KMT2D: variants seen among roughly 807,000 people sequenced by gnomAD.
KMT2D encodes the protein histone-lysine N-methyltransferase 2D.
A neutral mutation model predicts 512.7 loss-of-function variants in KMT2D; 55 were observed. That is an observed-to-expected ratio of 0.11 (90% CI 0.09 to 0.13). The LOEUF (loss-of-function observed/expected upper bound fraction) is 0.13. Among genes scored for constraint, KMT2D ranks in the 10% least tolerant of loss-of-function variants. The pLI, the probability that KMT2D is intolerant of heterozygous loss-of-function variation, is 1.00. For missense variants in KMT2D, 6,061 were observed against 7,127.9 expected, an observed-to-expected ratio of 0.85 and a Z score of 5.39; for synonymous variants, 2,995 against 2,904.0, an observed-to-expected ratio of 1.03 and a Z score of -1.01.
Position 49,031,663 on chromosome 12 carries a change from C to T in KMT2D, c.13042G>A (p.Gly4348Arg), listed in dbSNP as rs1328256473. 1 of 1,609,448 alleles carries T rather than the reference C, an allele frequency of 6.2e-7. No homozygotes were observed. The highest frequency in any genetic ancestry group is 8.5e-7 in the Non-Finnish European group (1 of 1,178,156). The change falls in exon 40 of 55, where the codon GGG becomes AGG. Residue 4348 changes from glycine to arginine, a missense_variant. Gly to Arg is a moderately radical substitution (Grantham distance 125). Coordinates refer to ENST00000301067, the MANE Select transcript of KMT2D (RefSeq NM_003482.4). The part of the protein sequence containing the change: ...PTHPGTPKPQ[G>R]PTLEPPPGRV... The stretch of plus-strand genomic sequence containing the variant: ...CCAGGAGGCGGCTCCAAGGTTGGCC[C>T]CTGAGGTTTGGGGGTCCCTGGATGG...
At position 49,039,807 on chromosome 12, in the gene KMT2D, A is replaced by G. The variant is rs766926297; in HGVS notation, c.7963T>C (p.Ser2655Pro). Residue 2655 changes from serine (S) to proline (P), a missense_variant, in exon 32 of 55, where the codon TCT becomes CCT. Coordinates refer to ENST00000301067, the MANE Select transcript of KMT2D (RefSeq NM_003482.4). This position sits in a 1 kb window ranked among gnomAD's most constrained non-coding sequence, Gnocchi z 5.0. ...REDPGTGMGS[S>P]LATAELPGTQ... ...CCTGGGAGTTCAGCTGTCGCCAAAG[A>G]GCTACCCATTCCAGTCCCTGGGTCT... The G allele has an allele frequency of 1.8e-5, 29 of 1,613,878 alleles. No individual in the cohort carries two copies. Among genetic ancestry groups the G allele is most frequent in the Non-Finnish European group, 2.4e-5 (28 of 1,179,894 alleles).
intron 43 of KMT2D, among the ~76,000 whole-genome samples, 197 bp from the exon 44 acceptor site, chr12:49,029,673 TTTTG>T: frequency 8.3e-6 from 1 of 120,112 alleles, no homozygotes; most frequent in South Asian, 3.0e-4. Context: ...TTTTTGTTTT[TTTTG>T]TTTTTTTTTT....
rs201623566 is a variant in KMT2D, at chr12:49,050,196, G to C, written c.3392C>G (p.Pro1131Arg). ...DTAPLDGIDAPGSQPEPGQTP... is the reference protein window; with the variant it reads ...DTAPLDGIDARGSQPEPGQTP... Reference sequence around the variant, plus strand: ...CTGTCCAGGCTCTGGCTGTGAACCCGGAGCATCAATCCCATCCAGAGGGGC... The same window carrying C: ...CTGTCCAGGCTCTGGCTGTGAACCCCGAGCATCAATCCCATCCAGAGGGGC... The change falls in exon 12 of 55, where the codon CCG becomes CGG. Residue 1131 changes from proline (P) to arginine (R), a missense_variant. By Grantham distance (103) the Pro-to-Arg change is moderately radical. Coordinates refer to ENST00000301067, the MANE Select transcript of KMT2D (RefSeq NM_003482.4). 5.0e-6 allele frequency: 8 copies of C among 1,613,634 alleles called. No individual in the cohort carries two copies. The African/African-American group carries it at 8.0e-5, about 16-fold the overall frequency.
At position 49,049,626 on chromosome 12, in the gene KMT2D, G is replaced by GT. The variant is rs1937800341; in HGVS notation, c.3906+55dup. ...GGGAAAGTATCAGTGACACAGGACT[G>GT]TACCTCTGACAGTGGGCTAACTCTA... is the stretch of plus-strand genomic sequence containing the variant. On this transcript the variant is annotated intron_variant, in intron 12 of 54. Transcript: ENST00000301067. The GT allele has an allele frequency of 9.9e-6, 15 of 1,507,632 alleles. 1 individual carries two copies. The South Asian group carries it at 2.0e-4, about 20-fold the overall frequency. The allele number at this position is 1,507,632 out of a possible 1,614,324, so 93.4% of individuals were successfully genotyped here.
rs57252968 is a variant in KMT2D at position 49,047,406 on chromosome 12, C to CTTTT, written c.4236+555_4236+558dup. Among the ~76,000 whole-genome samples, 86 of 93,878 alleles carry CTTTT rather than the reference C, an allele frequency of 9.2e-4. 1 individual carries two copies. The highest frequency in any genetic ancestry group is 1.3e-3 in the Non-Finnish European group (67 of 51,242). The allele number at this position is 93,878 out of a possible 152,430, so 61.6% of individuals were successfully genotyped here. On this transcript the variant is annotated intron_variant, in intron 15 of 54. Coordinates refer to ENST00000301067, the MANE Select transcript of KMT2D (RefSeq NM_003482.4). ...ACCGAATTAGGTCCCCCAGTTTTTC[C>CTTTT]TTTTTTTTTTTTTTTTTTTTTTTTT...
chr12:49,020,260 C>G lies in KMT2D; in HGVS notation c.*1520G>C, dbSNP rs917883819. 3 of 169,984 alleles carry G rather than the reference C, an allele frequency of 1.8e-5. No individual in the cohort carries two copies. Among genetic ancestry groups the G allele is most frequent in the African/African-American group, 7.2e-5 (3 of 41,714 alleles). 10.5% of individuals were successfully genotyped at this position (169,984 alleles called of 1,614,324 possible). On this transcript the variant is annotated 3_prime_UTR_variant, in exon 55 of 55. Transcript: ENST00000301067. ...GGGAATTGCCCAGCCTCTATACCCC[C>G]ATCTTACAGCAGTCACAGCCAGGGG...
Position 49,050,561 on chromosome 12 carries a change from C to T in KMT2D, c.3027G>A (p.Val1009=), listed in dbSNP as rs138227815. The change falls in exon 12 of 55, where the codon GTG becomes GTA. Residue 1009 remains valine, a synonymous_variant. Transcript: ENST00000301067. ...MILPPSPGSP[V]GPASPILMEP... is the part of the protein sequence containing the mutation. ...CCATCAGGATGGGAGAAGCCGGCCC[C>T]ACTGGGGAGCCTGGAGATGGGGGAA... 140 of 1,604,110 alleles carry T rather than the reference C, an allele frequency of 8.7e-5. No homozygotes were observed. In the East Asian group the frequency reaches 2.6e-3, roughly 30 times the overall value.
At position 49,043,334 on chromosome 12, in the gene KMT2D, C is replaced by T. The variant is rs145103774; in HGVS notation, c.5533+29G>A. 6.4e-4 allele frequency: 1,033 copies of T among 1,611,888 alleles called. 2 individuals carry two copies. Among genetic ancestry groups the T allele is most frequent in the Middle Eastern group, 3.0e-3 (18 of 6,060 alleles). ...GGGACAGAGGCAAGCAAGGCCAAGA[C>T]AGGACACAGTAACCCCGGCAGCCCT... On this transcript the variant is annotated intron_variant, in intron 25 of 54. Transcript: ENST00000301067.
rs2120520968 is a variant in KMT2D at position 49,040,013 on chromosome 12, T to C, written c.7757A>G (p.Asn2586Ser). The change falls in exon 32 of 55, where the codon AAC becomes AGC. Residue 2586 changes from asparagine (N) to serine (S), a missense_variant. Physicochemically the swap from Asn to Ser is conservative, Grantham distance 46. This residue lies in a region of KMT2D where 527 missense variants were observed against 578.9 expected (regional missense o/e 0.91). Coordinates refer to ENST00000301067, the MANE Select transcript of KMT2D (RefSeq NM_003482.4). Reference protein sequence around the residue: ...QSTNYTVATGNFHPSGSPLGP... With the variant: ...QSTNYTVATGSFHPSGSPLGP... ...CAGGGGGCTGCCCGATGGGTGGAAG[T>C]TCCCTGTGGCTACTGTGTAGTTTGT... 6.2e-7 allele frequency: 1 copy of C among 1,613,628 alleles called. No individual in the cohort carries two copies. Among genetic ancestry groups the C allele is most frequent in the Non-Finnish European group, 8.5e-7 (1 of 1,179,738 alleles).
intron 43 of KMT2D, 23 bp from the exon 44 acceptor site, chr12:49,029,499 AAAAGTCAGG>A (rs1255146081): frequency 6.5e-7 from 1 of 1,544,824 alleles, no homozygotes; most frequent in Non-Finnish European, 8.8e-7. Flanking sequence ...TAGGGAGAAG[AAAAGTCAGG>A]TGAGGGTGGC....
In KMT2D at chr12:49,020,218, A is replaced by G. The variant is rs950495576; in HGVS notation, c.*1562T>C. The G allele has an allele frequency of 3.4e-5, 6 of 174,130 alleles. No homozygotes were observed. The highest frequency in any genetic ancestry group is 1.1e-4 in the East Asian group (1 of 9,474). The allele number at this position is 174,130 out of a possible 1,614,324, so 10.8% of individuals were successfully genotyped here. A position where few individuals can be genotyped will look rare whatever the true frequency, so the allele number is the denominator to read the frequency against. On this transcript the variant is annotated 3_prime_UTR_variant, in exon 55 of 55. Coordinates refer to ENST00000301067, the MANE Select transcript of KMT2D (RefSeq NM_003482.4). ...CTTTTGTGCGTTATAACATAGTCCA[A>G]CTATACAACAGGGGGTGGGAATTGC...
intron 1 of KMT2D, 95 bp downstream of exon 1, chr12:49,059,518 C>G (rs2120731274): frequency 6.5e-6 from 1 of 152,840 alleles, no homozygotes; most frequent in African/African-American, 2.4e-5. Flanking sequence ...GCACCCCCTT[C>G]TCCAACCTAA....
At position 49,041,617 on chromosome 12, in the gene KMT2D, A is replaced by G. The variant is rs2120549559; in HGVS notation, c.6234+38T>C. 11 of 1,613,072 alleles carry G rather than the reference A, an allele frequency of 6.8e-6. No homozygotes were observed. The highest frequency in any genetic ancestry group is 9.3e-6 in the Non-Finnish European group (11 of 1,179,370). ...CCTCCACCCTCAAGAGAGGCCACCC[A>G]CTAGAGGACTGCTACACCCCAGCCC... is the stretch of plus-strand genomic sequence containing the variant. On this transcript the variant is annotated intron_variant, in intron 31 of 54. Coordinates refer to ENST00000301067, the MANE Select transcript of KMT2D (RefSeq NM_003482.4). This position sits in a 1 kb window ranked among gnomAD's most constrained non-coding sequence, Gnocchi z 5.4.
rs1361062364 is a variant in KMT2D at position 49,049,836 on chromosome 12, G to A, written c.3752C>T (p.Ala1251Val). 4 of 1,613,844 alleles carry A rather than the reference G, an allele frequency of 2.5e-6. No homozygotes were observed. Among genetic ancestry groups the A allele is most frequent in the African/African-American group, 2.7e-5 (2 of 74,918 alleles). Residue 1251 changes from alanine (A) to valine (V), a missense_variant, in exon 12 of 55, where the codon GCC (alanine) becomes GTC (valine). Physicochemically the swap from Ala to Val is moderately conservative, Grantham distance 64. Around this residue, in one of 16 missense-constraint regions of KMT2D, gnomAD observed 447 missense variants for 500.1 expected, o/e 0.89. Transcript: ENST00000301067. ...ELGVSTDVSP[A>V]RDEGSLRLCT... ...GAGCCGTAGGGAGCCCTCATCTCGG[G>A]CTGGACTAACATCCGTAGAGACCCC... is the stretch of plus-strand genomic sequence containing the variant.
Position 49,033,875 on chromosome 12 carries a change from CTGT to C in KMT2D, c.10827_10829del (p.Gln3612del), listed in dbSNP as rs775815605. The C allele has an allele frequency of 3.9e-5, 60 of 1,553,478 alleles. No individual in the cohort carries two copies. In the South Asian group the frequency reaches 6.0e-4, roughly 16 times the overall value. On this transcript the variant is annotated inframe_deletion, in exon 40 of 55. Transcript: ENST00000301067. ...GAGCCAGCACAGCTGAGTGCTGTTG[CTGT>C]TGTTGCTGCTGCTGCTGCTGTTGTT...
intron 1 of KMT2D, among the ~76,000 whole-genome samples, chr12:49,056,280 G>A (rs1938403870): frequency 6.6e-6 from 1 of 152,132 alleles, no homozygotes; most frequent in African/African-American, 2.4e-5. Context: ...CCTCAAGCAG[G>A]GTTTCCACAC....
rs756557296 is a variant in KMT2D, at chr12:49,051,467, T to G, written c.2216A>C (p.Glu739Ala). 38 of 1,613,364 alleles carry G rather than the reference T, an allele frequency of 2.4e-5. No homozygotes were observed. The highest frequency in any genetic ancestry group is 3.2e-5 in the Non-Finnish European group (38 of 1,179,728). Residue 739 changes from glutamate to alanine, a missense_variant, in exon 11 of 55, where the codon GAG becomes GCG. Physicochemically the swap from Glu to Ala is moderately radical, Grantham distance 107 (BLOSUM62 -1). Coordinates refer to ENST00000301067, the MANE Select transcript of KMT2D (RefSeq NM_003482.4). ...AGGCCGGGGTGACAGGTGCGGCCCC[T>G]CGGACCGGGGGCAGAGTTGCGGCTC... The part of the protein sequence containing the change: ...PEEPQLCPRS[E>A]GPHLSPRPEE...
rs1565796743 is a variant in KMT2D at position 49,041,370 on chromosome 12, C to T, written c.6400G>A (p.Gly2134Ser). ...IFIGSPTTPA[G>S]LSTSADGFLK... Reference sequence around the variant, plus strand: ...AACCCGTCCGCAGAGGTAGACAAGCCGGCGGGGGTAGTGGGGCTGCCAATG... The same window carrying T: ...AACCCGTCCGCAGAGGTAGACAAGCTGGCGGGGGTAGTGGGGCTGCCAATG... The change falls in exon 32 of 55, where the codon GGC (glycine) becomes AGC (serine). Residue 2134 changes from glycine to serine, a missense_variant. Around this residue, in one of 16 missense-constraint regions of KMT2D, gnomAD observed 710 missense variants for 647.3 expected, o/e 1.10. Transcript: ENST00000301067. This position sits in a 1 kb window ranked among gnomAD's most constrained non-coding sequence, Gnocchi z 5.4. 1.3e-6 allele frequency: 2 copies of T among 1,587,030 alleles called. No individual in the cohort carries two copies. The highest frequency in any genetic ancestry group is 1.7e-6 in the Non-Finnish European group (2 of 1,166,760).
chr12:49,048,384 G>A (rs895280254), intron 14 of KMT2D, among the ~76,000 whole-genome samples: 2 of 152,260 alleles, frequency 1.3e-5, no homozygotes, highest in African/African-American at 4.8e-5. Flanking sequence ...GATTATTCAA[G>A]TGAGGACACA....
Sources: allele counts gnomAD v4.1 joint callset (sites outside exome capture counted in the v4.1 genomes callset), GRCh38; gene constraint gnomAD v4.1.1; regional missense constraint gnomAD v4.1.1; non-coding constraint Gnocchi (gnomAD v3.1); transcripts MANE v1.5; gene names NCBI Gene and HGNC (gene_info 2026-07-23, HGNC 2026-07-21).